ABHD17B: variants seen among roughly 807,000 people sequenced by gnomAD.
The protein encoded by ABHD17B is alpha/beta hydrolase domain-containing protein 17B.
In ABHD17B, 9 loss-of-function variants were observed where a neutral mutation model predicts 26.2. The observed-to-expected ratio is 0.34, with a 90% CI of 0.21 to 0.60. The LOEUF is 0.60. Among genes scored for constraint, ABHD17B ranks in the 20% least tolerant of loss-of-function variants. The pLI, the probability that ABHD17B is intolerant of heterozygous loss-of-function variation, is 0.80. For missense variants in ABHD17B, 224 were observed against 352.1 expected, an observed-to-expected ratio of 0.64 and a Z score of 2.91; for synonymous variants, 127 against 122.3, an observed-to-expected ratio of 1.04 and a Z score of -0.25.
chr9:71,872,638 C>A (rs1826146411), intron 2 of ABHD17B, among the ~76,000 whole-genome samples: 1 of 151,986 alleles, frequency 6.6e-6, no homozygotes, highest in South Asian at 2.1e-4. Context: ...AAGTGTGAAC[C>A]TTATCACTCA....
At chr9:71,873,339 C>CTA (rs1826166176) in intron 2 of ABHD17B, among the ~76,000 whole-genome samples, 1 of 151,590 alleles carries the variant, frequency 6.6e-6, no homozygotes, top group Admixed American at 6.6e-5. Flanking sequence ...ATGTATGCTG[C>CTA]TATAATCAAA....
At chr9:71,884,499 C>T (rs879713361) in intron 1 of ABHD17B, among the ~76,000 whole-genome samples, 3 of 151,844 alleles carry the variant, frequency 2.0e-5, no homozygotes, top group Admixed American at 6.6e-5. Context: ...AAGTAAGGTA[C>T]GAACAGATCT....
At chr9:71,873,024 TA>T (rs1826158069) in intron 2 of ABHD17B, among the ~76,000 whole-genome samples, 1 of 151,950 alleles carries the variant, frequency 6.6e-6, no homozygotes, top group Non-Finnish European at 1.5e-5. Context: ...TTAATAATAT[TA>T]ACTACTTTAT....
chr9:71,876,372 G>C (rs1008410254), intron 1 of ABHD17B, among the ~76,000 whole-genome samples: 2 of 152,136 alleles, frequency 1.3e-5, no homozygotes, highest in African/African-American at 4.8e-5. Context: ...TCAAATGTTG[G>C]TGTAGTGAAG....
intron 1 of ABHD17B, among the ~76,000 whole-genome samples, chr9:71,893,923 A>G (rs1826871983): frequency 6.6e-6 from 1 of 151,952 alleles, no homozygotes; most frequent in Non-Finnish European, 1.5e-5. Context: ...CCCTGTCTCT[A>G]ATAAAAATAC....
At chr9:71,875,476 C>T (rs185398909) in intron 1 of ABHD17B, among the ~76,000 whole-genome samples, 4 of 152,118 alleles carry the variant, frequency 2.6e-5, no homozygotes, top group South Asian at 2.1e-4. Context: ...TCACCCACCT[C>T]GGCCTCCCAA....
chr9:71,879,468 G>A (rs537452977), intron 1 of ABHD17B, among the ~76,000 whole-genome samples: 1 of 152,268 alleles, frequency 6.6e-6, no homozygotes, highest in African/African-American at 2.4e-5. Flanking sequence ...CTGAATATAA[G>A]CATGACTCTT....
chr9:71,863,084 G>GA (rs1200115112), downstream of ABHD17B, among the ~76,000 whole-genome samples: 1 of 151,950 alleles, frequency 6.6e-6, no homozygotes, highest in Non-Finnish European at 1.5e-5. Flanking sequence ...GGAAAAGTAT[G>GA]AAGATGACAA....
intron 1 of ABHD17B, among the ~76,000 whole-genome samples, chr9:71,899,360 C>A (rs1268886306): frequency 1.3e-5 from 2 of 152,146 alleles, no homozygotes; most frequent in Admixed American, 6.5e-5. Context: ...ATCTCATAGG[C>A]TGAGCCTGTA....
downstream of ABHD17B, among the ~76,000 whole-genome samples, chr9:71,864,213 CTTTT>C (rs762446648): frequency 8.7e-5 from 7 of 80,396 alleles, no homozygotes; most frequent in Admixed American, 2.1e-4. Flanking sequence ...GCCAAACTTT[CTTTT>C]TTTTTTTTTT....
downstream of ABHD17B, among the ~76,000 whole-genome samples, chr9:71,864,294 A>C (rs1382076763): frequency 7.7e-6 from 1 of 130,376 alleles, no homozygotes; most frequent in East Asian, 2.3e-4. Context: ...ATCTCGGCTC[A>C]CTGCAACCTC....
In ABHD17B at chr9:71,910,848, G is replaced by C. The variant is rs1827447725; in HGVS notation, c.-218C>G. On this transcript the variant is annotated 5_prime_UTR_variant, in exon 1 of 4. Coordinates refer to ENST00000333421, the MANE Select transcript of ABHD17B (RefSeq NM_001025780.3). ...GCGGCGCCCCAGGGGCCCCGCTCAC[G>C]CTCCCGAGTCTCGCCTCGCGCCGGC... 1 of 151,142 alleles carries C rather than the reference G, an allele frequency of 6.6e-6. No individual in the cohort carries two copies. The highest frequency in any genetic ancestry group is 2.1e-4 in the South Asian group (1 of 4,788). The allele number at this position is 151,142 out of a possible 1,614,324, so 9.4% of individuals were successfully genotyped here.
At chr9:71,867,099 A>G (rs1412690575) in intron 3 of ABHD17B, 93 bp from the exon 4 acceptor site, 9 of 1,422,986 alleles carry the variant, frequency 6.3e-6, no homozygotes, top group Admixed American at 2.0e-5. Flanking sequence ...TTCAAATATG[A>G]GAATTGTATG....
rs1033008358 is a variant in ABHD17B, at chr9:71,875,108, A to G, written c.-3-25T>C. On this transcript the variant is annotated intron_variant, in intron 1 of 3. Coordinates refer to ENST00000333421, the MANE Select transcript of ABHD17B (RefSeq NM_001025780.3). Reference sequence around the variant, plus strand: ...TCTGAAAAAGAAAAGGAGATAGCAAATATTTTAATAACTGAATGTAGACTC... The same window carrying G: ...TCTGAAAAAGAAAAGGAGATAGCAAGTATTTTAATAACTGAATGTAGACTC... 2.6e-6 allele frequency: 4 copies of G among 1,548,480 alleles called. No homozygotes were observed. The African/African-American group carries it at 4.1e-5, about 16-fold the overall frequency.
Position 71,908,198 on chromosome 9 carries a change from ATGGCCAACG to A in ABHD17B, c.-4+2427_-4+2435del, listed in dbSNP as rs1324607499. Among the ~76,000 whole-genome samples, 60 of 152,070 alleles carry A rather than the reference ATGGCCAACG, an allele frequency of 3.9e-4. 1 individual carries two copies. The highest frequency in any genetic ancestry group is 1.3e-3 in the African/African-American group (56 of 41,500). On this transcript the variant is annotated intron_variant, in intron 1 of 3. Coordinates refer to ENST00000333421, the MANE Select transcript of ABHD17B (RefSeq NM_001025780.3). ...CTGAGGTCAGGAGTTGAAGACCAGCATGGCCAACGTGGTGAAACCCCATCTCTACTAAAA... is the reference window on the plus strand; with the variant it reads ...CTGAGGTCAGGAGTTGAAGACCAGCATGGTGAAACCCCATCTCTACTAAAA...
At chr9:71,893,575 G>A (rs1217226539) in intron 1 of ABHD17B, among the ~76,000 whole-genome samples, 2 of 152,234 alleles carry the variant, frequency 1.3e-5, no homozygotes, top group Non-Finnish European at 2.9e-5. Context: ...TCTGAATCCA[G>A]TCCTTTTGGA....
chr9:71,869,946 T>A, intron 3 of ABHD17B, 137 bp downstream of exon 3: 1 of 804,274 alleles, frequency 1.2e-6, no homozygotes, highest in East Asian at 2.8e-5. Context: ...CTTTACAAAT[T>A]AATTTTTCAT....
At chr9:71,862,619 A>T (rs760869817), downstream of ABHD17B, 1 of 1,119,588 alleles carries the variant, frequency 8.9e-7, no homozygotes, top group East Asian at 2.4e-5. Flanking sequence ...TGTAAAATAA[A>T]GGGATTAGGC....
At chr9:71,894,261 T>A (rs1826889661) in intron 1 of ABHD17B, among the ~76,000 whole-genome samples, 1 of 152,198 alleles carries the variant, frequency 6.6e-6, no homozygotes, top group South Asian at 2.1e-4. Flanking sequence ...ATTTCTTATT[T>A]ATCAGTTGGT....
Sources: gnomAD v4.1 joint callset for allele counts (sites outside exome capture counted in the v4.1 genomes callset) on GRCh38, gnomAD v4.1.1 for gene constraint, MANE v1.5 for transcripts, NCBI Gene and HGNC (gene_info 2026-07-23, HGNC 2026-07-21) for gene names.